The following HPGDS variants were observed in gnomAD, a reference collection of about 807,000 sequenced individuals.
The protein encoded by HPGDS is GST class-sigma.
Under a neutral mutation model 23.1 loss-of-function variants are expected in HPGDS, and 26 were observed. The ratio of observed to expected loss-of-function variants is 1.13; its 90% confidence interval spans 0.83 to 1.56. HPGDS has a LOEUF of 1.56. Among genes scored for constraint, HPGDS ranks in the 40% most tolerant of loss-of-function variants. HPGDS has a pLI of 0.00. For missense variants in HPGDS, 268 were observed against 236.4 expected (o/e 1.13, Z -0.88); for synonymous variants, 95 against 77.9 (o/e 1.22, Z -1.16).
At chr4:94,308,287 C>CT (rs145109146) in intron 4 of HPGDS, among the ~76,000 whole-genome samples, 1 of 152,178 alleles carries the variant, frequency 6.6e-6, no homozygotes, top group East Asian at 1.9e-4. Context: ...GGACTTCAGA[C>CT]TTTCAGGTTA....
intron 1 of HPGDS, among the ~76,000 whole-genome samples, chr4:94,335,380 A>G (rs1720981665): frequency 6.6e-6 from 1 of 152,206 alleles, no homozygotes; most frequent in African/African-American, 2.4e-5. Context: ...AGTCATTATA[A>G]TTTTATGGGT....
intron 4 of HPGDS, among the ~76,000 whole-genome samples, chr4:94,302,504 T>G (rs1579424239): frequency 1.3e-5 from 2 of 152,272 alleles, no homozygotes; most frequent in Middle Eastern, 6.8e-3. Context: ...AATGACTAAA[T>G]ATTTTACCCA....
At chr4:94,304,219 A>C (rs562513856) in intron 4 of HPGDS, among the ~76,000 whole-genome samples, 1 of 152,170 alleles carries the variant, frequency 6.6e-6, no homozygotes, top group African/African-American at 2.4e-5. Flanking sequence ...GCATTTTCAG[A>C]TATGCACTAC....
intron 2 of HPGDS, among the ~76,000 whole-genome samples, chr4:94,332,866 T>G (rs1409559752): frequency 2.6e-5 from 4 of 152,222 alleles, no homozygotes; most frequent in Admixed American, 2.0e-4. Context: ...TTTACCATGC[T>G]TTGGCCTGCT....
chr4:94,305,850 G>A (rs75938571), intron 4 of HPGDS, among the ~76,000 whole-genome samples: 164 of 152,194 alleles, frequency 1.1e-3, no homozygotes, highest in African/African-American at 3.8e-3. Flanking sequence ...GTATACCTAG[G>A]TGATGAGGCT....
At chr4:94,333,962 G>T (rs973743799) in intron 2 of HPGDS, among the ~76,000 whole-genome samples, 1 of 152,326 alleles carries the variant, frequency 6.6e-6, no homozygotes, top group East Asian at 1.9e-4. Context: ...CACCAGAGAA[G>T]AGGTCTCTGC....
intron 1 of HPGDS, among the ~76,000 whole-genome samples, chr4:94,337,870 A>G (rs534595898): frequency 6.6e-6 from 1 of 152,344 alleles, no homozygotes; most frequent in East Asian, 1.9e-4. Context: ...GACATTTAAA[A>G]ATTCTCAGCA....
At chr4:94,325,057 C>G (rs1756601176) in intron 2 of HPGDS, among the ~76,000 whole-genome samples, 1 of 152,210 alleles carries the variant, frequency 6.6e-6, no homozygotes, top group Admixed American at 6.5e-5. Context: ...GAGGTCCACT[C>G]CAGACCCTGT....
intron 1 of HPGDS, among the ~76,000 whole-genome samples, chr4:94,336,205 CAAA>C (rs11349997): frequency 2.8e-4 from 33 of 119,798 alleles, no homozygotes; most frequent in Non-Finnish European, 2.5e-4. Context: ...GACGCCGTCT[CAAA>C]AAAAAAAAAA....
chr4:94,306,657 C>G (rs1007863088), intron 4 of HPGDS, among the ~76,000 whole-genome samples: 1 of 152,050 alleles, frequency 6.6e-6, no homozygotes, highest in Non-Finnish European at 1.5e-5. Context: ...TACTAGACAG[C>G]TGTCCCTTCC....
intron 2 of HPGDS, among the ~76,000 whole-genome samples, chr4:94,321,960 G>A: frequency 6.6e-6 from 1 of 152,172 alleles, no homozygotes; most frequent in African/African-American, 2.4e-5. Flanking sequence ...TTTATTGAGA[G>A]TTTTTAGCAT....
At chr4:94,307,790 T>A (rs1289037404) in intron 4 of HPGDS, among the ~76,000 whole-genome samples, 2 of 152,076 alleles carry the variant, frequency 1.3e-5, no homozygotes, top group African/African-American at 4.8e-5. Context: ...AGAAAGCAAT[T>A]ACTAATTTTA....
chr4:94,306,051 T>C (rs1003159385), intron 4 of HPGDS, among the ~76,000 whole-genome samples: 33 of 152,192 alleles, frequency 2.2e-4, no homozygotes, highest in African/African-American at 7.9e-4. Context: ...CACAGGCACA[T>C]GGTGTGCATT....
At chr4:94,331,857 AG>A (rs1318023833) in intron 2 of HPGDS, among the ~76,000 whole-genome samples, 1 of 152,182 alleles carries the variant, frequency 6.6e-6, no homozygotes, top group African/African-American at 2.4e-5. Context: ...GGCAGGAGGC[AG>A]AGAAATTCTA....
intron 2 of HPGDS, among the ~76,000 whole-genome samples, chr4:94,329,926 CA>C (rs1338957616): frequency 6.6e-6 from 1 of 152,180 alleles, no homozygotes; most frequent in Non-Finnish European, 1.5e-5. Flanking sequence ...ATGTGGCTGG[CA>C]AAATAACTAC....
intron 2 of HPGDS, among the ~76,000 whole-genome samples, chr4:94,329,284 C>T (rs1181943545): frequency 6.6e-6 from 1 of 152,076 alleles, no homozygotes; most frequent in Non-Finnish European, 1.5e-5. Context: ...ATAAATTGCC[C>T]TGGTCACACA....
chr4:94,322,154 G>A lies in HPGDS; in HGVS notation c.134-4189C>T, dbSNP rs1478168857. On this transcript the variant is annotated intron_variant, in intron 2 of 5. Coordinates refer to ENST00000295256, the MANE Select transcript of HPGDS (RefSeq NM_014485.3). Reference sequence around the variant, plus strand: ...GGATAAGGTTTTTGATGTGTTGCTGGATTCGGTTTGCCAGTATTTTATTGA... The same window carrying A: ...GGATAAGGTTTTTGATGTGTTGCTGAATTCGGTTTGCCAGTATTTTATTGA... Among the ~76,000 whole-genome samples, 7 of 152,286 alleles carry A rather than the reference G, an allele frequency of 4.6e-5. No individual in the cohort carries two copies. The East Asian group carries it at 5.8e-4, about 13-fold the overall frequency.
At chr4:94,323,615 G>C (rs970691580) in intron 2 of HPGDS, among the ~76,000 whole-genome samples, 1 of 151,806 alleles carries the variant, frequency 6.6e-6, no homozygotes, top group East Asian at 1.9e-4. Flanking sequence ...CCATTTGCTT[G>C]GTAGATCTTC....
At chr4:94,319,241 T>C (rs1053715451) in intron 2 of HPGDS, among the ~76,000 whole-genome samples, 14 of 152,240 alleles carry the variant, frequency 9.2e-5, no homozygotes, top group African/African-American at 3.4e-4. Context: ...TATATCTTCT[T>C]GCTGAATTGA....
Sources: gnomAD v4.1 joint callset for allele counts (sites outside exome capture counted in the v4.1 genomes callset) on GRCh38, gnomAD v4.1.1 for gene constraint, MANE v1.5 for transcripts, NCBI Gene and HGNC (gene_info 2026-07-23, HGNC 2026-07-21) for gene names.